MLIP: variants seen among roughly 807,000 people sequenced by gnomAD.
MLIP encodes the protein muscular LMNA-interacting protein.
A neutral mutation model predicts 84.8 loss-of-function variants in MLIP; 79 were observed. That is an observed-to-expected ratio of 0.93 (90% CI 0.78 to 1.12). MLIP has a LOEUF of 1.12. MLIP is among the 50% of genes most tolerant of loss of function. MLIP has a pLI of 0.00. For synonymous variants in MLIP, 504 were observed against 463.0 expected, an observed-to-expected ratio of 1.09 and a Z score of -1.14; for missense variants, 1,257 against 1,160.6, an observed-to-expected ratio of 1.08 and a Z score of -1.21.
chr6:54,119,694 G>A (rs1334855100), intron 1 of MLIP, among the ~76,000 whole-genome samples: 1 of 152,082 alleles, frequency 6.6e-6, no homozygotes, highest in African/African-American at 2.4e-5. Flanking sequence ...TAGATGTTAA[G>A]TGTTCTCACC....
At chr6:54,228,211 A>G (rs9464037) in intron 11 of MLIP, among the ~76,000 whole-genome samples, 4,324 of 147,040 alleles carry the variant, frequency 0.029, 288 homozygotes, top group African/African-American at 0.1. Context: ...AAAAAAAAAA[A>G]AAAGAGAAAG....
intron 8 of MLIP, among the ~76,000 whole-genome samples, chr6:54,164,596 T>G (rs979392512): frequency 6.6e-6 from 1 of 151,952 alleles, no homozygotes; most frequent in Non-Finnish European, 1.5e-5. Flanking sequence ...ACTGAAAAAG[T>G]TCCTTGTGCT....
At position 54,147,655 on chromosome 6, in the gene MLIP, C is replaced by T. The variant is rs192668766; in HGVS notation, c.2218-1401C>T. Reference sequence around the variant, plus strand: ...TTTTTTGGGAAAAAGTGTGCAGCTTCGGAGCTCTTGTGCACGTTTTGCTGA... The same window carrying T: ...TTTTTTGGGAAAAAGTGTGCAGCTTTGGAGCTCTTGTGCACGTTTTGCTGA... On this transcript the variant is annotated intron_variant, in intron 4 of 13. Transcript: ENST00000502396. Among the ~76,000 whole-genome samples the T allele has an allele frequency of 3.0e-4, 45 of 152,126 alleles. No homozygotes were observed. In the East Asian group the frequency reaches 4.3e-3, roughly 14 times the overall value.
At chr6:54,122,217 T>TAACA (rs1351541581) in intron 2 of MLIP, among the ~76,000 whole-genome samples, 1 of 152,148 alleles carries the variant, frequency 6.6e-6, no homozygotes, top group Non-Finnish European at 1.5e-5. Flanking sequence ...GCCTAATATC[T>TAACA]AACAATCAGA....
At chr6:54,248,709 G>A (rs1782252802) in intron 12 of MLIP, among the ~76,000 whole-genome samples, 1 of 152,056 alleles carries the variant, frequency 6.6e-6, no homozygotes, top group Non-Finnish European at 1.5e-5. Flanking sequence ...AATAAAAATA[G>A]CATAATTTAG....
chr6:54,160,513 C>G lies in MLIP; in HGVS notation c.2356-3C>G, dbSNP rs200245272. On this transcript the variant is annotated splice_polypyrimidine_tract_variant and splice_region_variant and intron_variant, in intron 6 of 13. Coordinates refer to ENST00000502396, the MANE Select transcript of MLIP (RefSeq NM_001281747.2). ...ACCCAGTACCTGGTTTCAATTCTTC[C>G]AGCTCTATTTTCCTGCACAGCTCAG... The G allele has an allele frequency of 1.2e-5, 19 of 1,612,076 alleles. No individual in the cohort carries two copies. Among genetic ancestry groups the G allele is most frequent in the Non-Finnish European group, 1.6e-5 (19 of 1,179,000 alleles).
chr6:54,190,692 G>C (rs1264492142), intron 10 of MLIP, among the ~76,000 whole-genome samples: 1 of 151,904 alleles, frequency 6.6e-6, no homozygotes, highest in Non-Finnish European at 1.5e-5. Flanking sequence ...GATTAAATGA[G>C]AGAATTATTT....
chr6:54,252,219 C>CTATAACATAATATATAACTATAA lies in MLIP; in HGVS notation c.2923-5085_2923-5084insACATAATATATAACTATAATATA, dbSNP rs1281216254. ...ATATATTATAACATATAATATATAA[C>CTATAACATAATATATAACTATAA]TATATTATAACATATAATATATAAG... On this transcript the variant is annotated intron_variant, in intron 12 of 13. Coordinates refer to ENST00000502396, the MANE Select transcript of MLIP (RefSeq NM_001281747.2). Among the ~76,000 whole-genome samples the CTATAACATAATATATAACTATAA allele has an allele frequency of 5.0e-3, 519 of 103,308 alleles. 18 individuals carry two copies. Among genetic ancestry groups the CTATAACATAATATATAACTATAA allele is most frequent in the African/African-American group, 0.021 (485 of 23,510 alleles). The allele number at this position is 103,308 out of a possible 152,430, so 67.8% of individuals were successfully genotyped here. A position where few individuals can be genotyped will look rare whatever the true frequency, so the allele number is the denominator to read the frequency against.
At chr6:54,057,984 C>T (rs912975373) in intron 1 of MLIP, 1 of 152,122 alleles carries the variant, frequency 6.6e-6, no homozygotes, top group Non-Finnish European at 1.5e-5. Flanking sequence ...ATATTTTCTT[C>T]CACTTTACCC....
chr6:54,020,078 C>T (rs902586104), intron 1 of MLIP, among the ~76,000 whole-genome samples: 1 of 152,170 alleles, frequency 6.6e-6, no homozygotes, highest in Non-Finnish European at 1.5e-5. Context: ...ATTTTCCTTT[C>T]TGACTATTTG....
At chr6:54,090,843 C>T (rs1324307769) in intron 1 of MLIP, among the ~76,000 whole-genome samples, 1 of 152,076 alleles carries the variant, frequency 6.6e-6, no homozygotes, top group African/African-American at 2.4e-5. Flanking sequence ...TTGAATCCCA[C>T]TTATTTGAGA....
At chr6:54,235,811 G>A (rs1781320209) in intron 12 of MLIP, among the ~76,000 whole-genome samples, 1 of 152,098 alleles carries the variant, frequency 6.6e-6, no homozygotes, top group South Asian at 2.1e-4. Context: ...GGGAACATAG[G>A]TAGGGTGGGG....
At chr6:54,047,080 T>C (rs778014460) in intron 1 of MLIP, 1 of 152,208 alleles carries the variant, frequency 6.6e-6, no homozygotes, top group African/African-American at 2.4e-5. Flanking sequence ...GATCCTCGAA[T>C]GATTTCTTTG....
At chr6:54,223,725 G>T (rs954918330) in intron 11 of MLIP, among the ~76,000 whole-genome samples, 3 of 151,826 alleles carry the variant, frequency 2.0e-5, no homozygotes, top group Non-Finnish European at 4.4e-5. Flanking sequence ...TGTCTTTCTG[G>T]CTTGCATACG....
intron 1 of MLIP, among the ~76,000 whole-genome samples, chr6:54,024,082 G>A (rs1561872320): frequency 6.6e-6 from 1 of 152,050 alleles, no homozygotes; most frequent in South Asian, 2.1e-4. Flanking sequence ...GTGCAATCTC[G>A]GCTCACTGCA....
intron 8 of MLIP, among the ~76,000 whole-genome samples, chr6:54,164,281 AC>A (rs1774959708): frequency 6.6e-6 from 1 of 151,830 alleles, no homozygotes; most frequent in Non-Finnish European, 1.5e-5. Context: ...TGATTTTGTC[AC>A]TTTTGATTCT....
rs919414543 is a variant in MLIP, at chr6:54,217,600, A to G, written c.2719-13114A>G. 4.1e-6 allele frequency: 4 copies of G among 983,654 alleles called. No homozygotes were observed. In the Admixed American group the frequency reaches 1.8e-4, roughly 45 times the overall value. 60.9% of individuals were successfully genotyped at this position (983,654 alleles called of 1,614,324 possible). A position where few individuals can be genotyped will look rare whatever the true frequency, so the allele number is the denominator to read the frequency against. Reference sequence around the variant, plus strand: ...TCTTCTTGAAGTTTTGTAGAATGATAGTATCATCTCAAAAATAATTAATTC... The same window carrying G: ...TCTTCTTGAAGTTTTGTAGAATGATGGTATCATCTCAAAAATAATTAATTC... On this transcript the variant is annotated intron_variant, in intron 11 of 13. Transcript: ENST00000502396.
intron 12 of MLIP, among the ~76,000 whole-genome samples, chr6:54,256,453 G>A (rs538936293): frequency 2.1e-3 from 314 of 152,170 alleles, no homozygotes; most frequent in African/African-American, 6.5e-3. Flanking sequence ...CTGGTTTGCC[G>A]GGAAGGATGG....
intron 1 of MLIP, among the ~76,000 whole-genome samples, chr6:54,104,715 CT>C (rs900172727): frequency 2.1e-4 from 32 of 151,968 alleles, no homozygotes; most frequent in South Asian, 8.3e-4. Context: ...TGGAAACTCC[CT>C]TTTTTTTCCC....
Sources: allele counts gnomAD v4.1 joint callset (sites outside exome capture counted in the v4.1 genomes callset), GRCh38; gene constraint gnomAD v4.1.1; transcripts MANE v1.5; gene names NCBI Gene and HGNC (gene_info 2026-07-23, HGNC 2026-07-21).